Variants in NAV3 observed in about 807,000 individuals in gnomAD.
The protein encoded by NAV3 is neuron navigator 3.
Under a neutral mutation model 244.7 loss-of-function variants are expected in NAV3, and 87 were observed. That is an observed-to-expected ratio of 0.36 (90% confidence interval 0.30 to 0.42). The LOEUF (loss-of-function observed/expected upper bound fraction) is 0.42, where lower values mean the gene tolerates loss of function less well. NAV3 is among the 20% of genes least tolerant of loss of function. The probability of loss-of-function intolerance (pLI) is 1.00; values close to 1 mark genes in which losing one functional copy is unlikely to be tolerated. For synonymous variants in NAV3, 1,126 were observed against 1,042.2 expected, an observed-to-expected ratio of 1.08 and a Z score of -1.55; for missense variants, 2,663 against 2,893.3, an observed-to-expected ratio of 0.92 and a Z score of 1.83.
At chr12:77,916,908 A>G (rs1887202996) in intron 1 of NAV3, among the ~76,000 whole-genome samples, 1 of 152,028 alleles carries the variant, frequency 6.6e-6, no homozygotes, top group Non-Finnish European at 1.5e-5. Flanking sequence ...AGAAGATAGA[A>G]TTCAATACCA....
At chr12:77,841,513 C>A (rs1482481153) in intron 1 of NAV3, among the ~76,000 whole-genome samples, 5 of 152,092 alleles carry the variant, frequency 3.3e-5, no homozygotes. Flanking sequence ...GAAATTTATT[C>A]TCCACTTTTT....
intron 5 of NAV3, among the ~76,000 whole-genome samples, chr12:77,972,369 T>C (rs1358004568): frequency 6.6e-6 from 1 of 152,164 alleles, no homozygotes; most frequent in Non-Finnish European, 1.5e-5. Context: ...TTATTTGGAG[T>C]GATAAAGACT....
At chr12:77,861,777 A>G (rs1352566654) in intron 1 of NAV3, among the ~76,000 whole-genome samples, 2 of 151,806 alleles carry the variant, frequency 1.3e-5, no homozygotes, top group Non-Finnish European at 3.0e-5. Flanking sequence ...AATTTTCATG[A>G]AGGTTTATTT....
intron 1 of NAV3, among the ~76,000 whole-genome samples, chr12:77,915,621 A>G (rs1192995389): frequency 6.6e-6 from 1 of 152,044 alleles, no homozygotes; most frequent in Non-Finnish European, 1.5e-5. Flanking sequence ...TATACCTGCA[A>G]AATTTTGTCA....
At chr12:77,798,182 A>G (rs1010721184) in intron 2 of NAV3, among the ~76,000 whole-genome samples, 2 of 151,610 alleles carry the variant, frequency 1.3e-5, no homozygotes, top group African/African-American at 4.9e-5. Context: ...AAACAAACAA[A>G]CAAACAGCAA....
chr12:77,893,091 C>T (rs963633026), intron 1 of NAV3, among the ~76,000 whole-genome samples: 2 of 152,004 alleles, frequency 1.3e-5, no homozygotes, highest in Non-Finnish European at 2.9e-5. Context: ...TAAGAATTTC[C>T]TCTATCTCTA....
chr12:77,619,420 A>G (rs896303878), intron 2 of NAV3, among the ~76,000 whole-genome samples: 1 of 152,210 alleles, frequency 6.6e-6, no homozygotes, highest in South Asian at 2.1e-4. Context: ...GACCAGAACA[A>G]TTGCATTTCA....
At chr12:77,725,619 T>A (rs4417334) in intron 2 of NAV3, among the ~76,000 whole-genome samples, 96,618 of 151,460 alleles carry the variant, frequency 0.64, 34,854 homozygotes, top group East Asian at 0.88. Flanking sequence ...CGCAAACCAT[T>A]CAAAATTTGG....
At chr12:78,144,693 T>C (rs1956778403) in intron 20 of NAV3, among the ~76,000 whole-genome samples, 1 of 151,644 alleles carries the variant, frequency 6.6e-6, no homozygotes, top group African/African-American at 2.4e-5. Context: ...GGTGAGTATA[T>C]TTCTTGATTA....
intron 2 of NAV3, among the ~76,000 whole-genome samples, chr12:77,763,813 G>T (rs1168866508): frequency 6.6e-6 from 1 of 152,148 alleles, no homozygotes; most frequent in African/African-American, 2.4e-5. Flanking sequence ...GTGTTGGAGA[G>T]AGCTCTAGAC....
chr12:77,694,317 C>T (rs1875185084), intron 2 of NAV3, among the ~76,000 whole-genome samples: 1 of 150,372 alleles, frequency 6.7e-6, no homozygotes, highest in South Asian at 2.1e-4. Context: ...AAAAAAAATA[C>T]AAAAAATCAG....
intron 2 of NAV3, among the ~76,000 whole-genome samples, chr12:77,692,102 TC>T (rs1233866860): frequency 6.6e-6 from 1 of 151,958 alleles, no homozygotes; most frequent in Non-Finnish European, 1.5e-5. Context: ...GCTGGGAAGT[TC>T]CTATGTTTAT....
chr12:78,017,680 A>G (rs1477460947), intron 8 of NAV3, among the ~76,000 whole-genome samples: 4 of 152,178 alleles, frequency 2.6e-5, no homozygotes, highest in Non-Finnish European at 2.9e-5. Flanking sequence ...ATTATTCACT[A>G]TATCTGTCAA....
intron 2 of NAV3, among the ~76,000 whole-genome samples, chr12:77,622,459 C>G (rs1871418026): frequency 6.6e-6 from 1 of 151,754 alleles, no homozygotes. Flanking sequence ...GCACCCGGCC[C>G]CCAAGCTGTC....
intron 9 of NAV3, chr12:78,037,153 C>T: frequency 1.4e-6 from 1 of 703,006 alleles, no homozygotes; most frequent in East Asian, 2.7e-5. Flanking sequence ...GGCAGCCAGT[C>T]AGACAGTGAA....
chr12:77,854,677 A>G (rs1878100277), intron 1 of NAV3, among the ~76,000 whole-genome samples: 1 of 152,168 alleles, frequency 6.6e-6, no homozygotes, highest in African/African-American at 2.4e-5. Flanking sequence ...CTAGAAAACA[A>G]CATATAATTT....
chr12:77,766,062 A>T (rs1417149302), intron 2 of NAV3, among the ~76,000 whole-genome samples: 1 of 152,110 alleles, frequency 6.6e-6, no homozygotes, highest in Admixed American at 6.5e-5. Context: ...GCAAGAGGAG[A>T]TATTGAATGG....
At chr12:77,960,360 G>C (rs1335799745) in intron 3 of NAV3, among the ~76,000 whole-genome samples, 5 of 151,502 alleles carry the variant, frequency 3.3e-5, no homozygotes, top group South Asian at 4.2e-4. Context: ...GATCACCTAA[G>C]TCATACATTT....
intron 1 of NAV3, among the ~76,000 whole-genome samples, chr12:77,832,840 C>A (rs914744428): frequency 6.6e-6 from 1 of 152,130 alleles, no homozygotes; most frequent in Non-Finnish European, 1.5e-5. Context: ...CTTTTTAATG[C>A]AGCATTAACT....
Sources: gnomAD v4.1 joint callset for allele counts (sites outside exome capture counted in the v4.1 genomes callset) on GRCh38, gnomAD v4.1.1 for gene constraint, MANE v1.5 for transcripts, NCBI Gene and HGNC (gene_info 2026-07-23, HGNC 2026-07-21) for gene names.